The following GRM7 variants were observed in gnomAD, a reference collection of about 807,000 sequenced individuals.
GRM7 encodes the protein glutamate metabotropic receptor 7.
Under a neutral mutation model 84.5 loss-of-function variants are expected in GRM7, and 35 were observed. That is an observed-to-expected ratio of 0.41 (90% CI 0.32 to 0.55). The LOEUF (loss-of-function observed/expected upper bound fraction) is 0.55, where lower values mean the gene tolerates loss of function less well. GRM7 is among the 20% of genes least tolerant of loss of function. GRM7 has a pLI of 0.19. For missense variants in GRM7, 1,003 were observed against 1,194.6 expected (o/e 0.84, Z 2.36); for synonymous variants, 487 against 455.1 (o/e 1.07, Z -0.89).
chr3:7,692,205 T>G (rs989472139), intron 9 of GRM7, among the ~76,000 whole-genome samples: 13 of 152,266 alleles, frequency 8.5e-5, no homozygotes, highest in Admixed American at 6.5e-4. Context: ...AAAGCTGCTA[T>G]GGGACAGATA....
At chr3:7,430,668 C>T (rs1333887130) in intron 5 of GRM7, among the ~76,000 whole-genome samples, 1 of 152,180 alleles carries the variant, frequency 6.6e-6, no homozygotes, top group African/African-American at 2.4e-5. Flanking sequence ...TTCACATCGG[C>T]TTATTCATAA....
At chr3:7,211,652 CAAAAAA>C (rs370634134) in intron 2 of GRM7, among the ~76,000 whole-genome samples, 1 of 122,710 alleles carries the variant, frequency 8.1e-6, no homozygotes, top group African/African-American at 3.3e-5. Flanking sequence ...TTCTCCCAAC[CAAAAAA>C]AAAAAAAAAA....
chr3:7,146,255 G>A (rs572971494), intron 1 of GRM7, among the ~76,000 whole-genome samples, 197 bp from the exon 2 acceptor site: 4 of 152,270 alleles, frequency 2.6e-5, no homozygotes, highest in African/African-American at 9.6e-5. Context: ...AAGGCAAGAC[G>A]CTGAAGTCAA....
chr3:7,539,467 G>A (rs1466963037), intron 7 of GRM7, among the ~76,000 whole-genome samples: 1 of 140,386 alleles, frequency 7.1e-6, no homozygotes, highest in African/African-American at 2.5e-5. Flanking sequence ...ATGAGGTCCG[G>A]AGTTCAAGAC....
chr3:7,349,363 A>T lies in GRM7; in HGVS notation c.1033+42711A>T, dbSNP rs555594520. On this transcript the variant is annotated intron_variant, in intron 4 of 9. Coordinates refer to ENST00000357716, the MANE Select transcript of GRM7 (RefSeq NM_000844.4). ...CTATTAGCATAAAGTGGCCCAGCTGATGGGCTTGTCATGCAGAACTCAGGA... is the reference window on the plus strand; with the variant it reads ...CTATTAGCATAAAGTGGCCCAGCTGTTGGGCTTGTCATGCAGAACTCAGGA... Among the ~76,000 whole-genome samples, 3 of 152,226 alleles carry T rather than the reference A, an allele frequency of 2.0e-5. No individual in the cohort carries two copies. The East Asian group carries it at 5.8e-4, about 29-fold the overall frequency.
chr3:7,130,929 C>T (rs934655671), intron 1 of GRM7, among the ~76,000 whole-genome samples: 3 of 151,868 alleles, frequency 2.0e-5, no homozygotes, highest in African/African-American at 7.3e-5. Flanking sequence ...GGAGGTATTT[C>T]TTCACTCACT....
At chr3:7,181,525 C>T (rs576577776) in intron 2 of GRM7, among the ~76,000 whole-genome samples, 21 of 152,100 alleles carry the variant, frequency 1.4e-4, no homozygotes, top group Admixed American at 2.6e-4. Context: ...CAAGCTGTGA[C>T]ATTTATTAAA....
At chr3:7,132,427 C>A (rs1271827874) in intron 1 of GRM7, among the ~76,000 whole-genome samples, 1 of 151,944 alleles carries the variant, frequency 6.6e-6, no homozygotes, top group Non-Finnish European at 1.5e-5. Flanking sequence ...CTCAAATATA[C>A]AAATTTTAAA....
intron 7 of GRM7, among the ~76,000 whole-genome samples, chr3:7,573,652 T>A (rs1035029705): frequency 2.6e-5 from 4 of 152,216 alleles, no homozygotes; most frequent in African/African-American, 9.6e-5. Flanking sequence ...GACACCATTT[T>A]TTCCCCCAAC....
chr3:6,968,395 G>A (rs547976210), intron 1 of GRM7, among the ~76,000 whole-genome samples: 2 of 152,214 alleles, frequency 1.3e-5, no homozygotes, highest in East Asian at 1.9e-4. Context: ...AAGAAAGGTC[G>A]TATTCTGAGA....
chr3:7,295,728 C>G (rs778050943), intron 2 of GRM7, among the ~76,000 whole-genome samples: 40 of 151,956 alleles, frequency 2.6e-4, no homozygotes, highest in Non-Finnish European at 4.6e-4. Flanking sequence ...ATGTAAAATT[C>G]AGTAGTTCCT....
At chr3:6,916,759 C>A (rs1165883793) in intron 1 of GRM7, among the ~76,000 whole-genome samples, 1 of 152,134 alleles carries the variant, frequency 6.6e-6, no homozygotes, top group Non-Finnish European at 1.5e-5. Context: ...TGGGGAGACA[C>A]AAGCATTCAG....
chr3:7,592,752 T>G (rs1369581264), intron 8 of GRM7, among the ~76,000 whole-genome samples: 2 of 152,222 alleles, frequency 1.3e-5, no homozygotes, highest in African/African-American at 4.8e-5. Context: ...TTCCTCTAGC[T>G]TCATACTTTT....
At chr3:7,175,541 T>G (rs1029366327) in intron 2 of GRM7, among the ~76,000 whole-genome samples, 1 of 152,182 alleles carries the variant, frequency 6.6e-6, no homozygotes, top group Non-Finnish European at 1.5e-5. Context: ...ATTTGCTTTT[T>G]GTTTTGTCTT....
intron 2 of GRM7, among the ~76,000 whole-genome samples, chr3:7,182,558 C>T (rs904557940): frequency 3.3e-5 from 5 of 152,118 alleles, no homozygotes; most frequent in Admixed American, 2.6e-4. Flanking sequence ...TATGTTTCTA[C>T]GCTTAGCTCT....
At chr3:7,003,270 G>C (rs1272503764) in intron 1 of GRM7, among the ~76,000 whole-genome samples, 1 of 152,110 alleles carries the variant, frequency 6.6e-6, no homozygotes, top group East Asian at 1.9e-4. Flanking sequence ...TAAAGGATAA[G>C]TCAGTAAGGT....
intron 1 of GRM7, among the ~76,000 whole-genome samples, chr3:6,906,013 CTTTA>C (rs1282204724): frequency 6.6e-6 from 1 of 152,290 alleles, no homozygotes; most frequent in East Asian, 1.9e-4. Context: ...GCCACCTCAC[CTTTA>C]TTTGGCTTAA....
intron 9 of GRM7, among the ~76,000 whole-genome samples, chr3:7,692,035 T>G (rs1477035683): frequency 2.0e-5 from 3 of 152,142 alleles, no homozygotes; most frequent in Non-Finnish European, 4.4e-5. Flanking sequence ...ACTCTCAGAG[T>G]TGGAAGTCAT....
At chr3:7,501,464 G>A (rs1418295796) in intron 7 of GRM7, among the ~76,000 whole-genome samples, 1 of 152,304 alleles carries the variant, frequency 6.6e-6, no homozygotes, top group East Asian at 1.9e-4. Flanking sequence ...TCTATGCTTT[G>A]ATCATGACAT....
Sources: gnomAD v4.1 joint callset for allele counts (sites outside exome capture counted in the v4.1 genomes callset) on GRCh38, gnomAD v4.1.1 for gene constraint, MANE v1.5 for transcripts, NCBI Gene and HGNC (gene_info 2026-07-23, HGNC 2026-07-21) for gene names.